The following NPHP3 variants were observed in gnomAD, a reference collection of about 807,000 sequenced individuals.
NPHP3 encodes nephrocystin 3.
Under a neutral mutation model 171.9 loss-of-function variants are expected in NPHP3, and 123 were observed. That is an observed-to-expected ratio of 0.72 (90% CI 0.62 to 0.83). The LOEUF (loss-of-function observed/expected upper bound fraction) is 0.83, where lower values mean the gene tolerates loss of function less well. Ranked by LOEUF, NPHP3 falls within the 40% of genes least tolerant of loss-of-function variation. The pLI is 0.00. For synonymous variants in NPHP3, 558 were observed against 579.2 expected (o/e 0.96, Z 0.52); for missense variants, 1,506 against 1,591.9 (o/e 0.95, Z 0.92).
intron 13 of NPHP3, among the ~76,000 whole-genome samples, chr3:132,697,776 T>A (rs1939493980): frequency 6.6e-6 from 1 of 152,054 alleles, no homozygotes; most frequent in Non-Finnish European, 1.5e-5. Context: ...GTACTGAAAA[T>A]TGCATTTGTG....
At chr3:132,682,849 C>T (rs1376351678) in intron 25 of NPHP3, 31 bp from the exon 26 acceptor site, 1 of 1,350,196 alleles carries the variant, frequency 7.4e-7, no homozygotes, top group African/African-American at 1.4e-5. Flanking sequence ...TGCTCATGCA[C>T]ACTGGGTTTC....
At chr3:132,699,505 C>T in intron 12 of NPHP3, 55 bp from the exon 13 acceptor site, 1 of 1,092,954 alleles carries the variant, frequency 9.1e-7, no homozygotes, top group Non-Finnish European at 1.4e-6. Flanking sequence ...TCAAAACAAT[C>T]CAATAATAGC....
rs772366641 is a variant in NPHP3, at chr3:132,719,091, C to G, written c.573G>C (p.Arg191Ser). The change falls in exon 3 of 27, where the codon AGG becomes AGC. Residue 191 changes from arginine to serine, a missense_variant. Arg to Ser is a moderately radical substitution (Grantham distance 110, BLOSUM62 -1). Around this residue, in one of 3 missense-constraint regions of NPHP3, gnomAD observed 930 missense variants for 924.9 expected, o/e 1.01. Coordinates refer to ENST00000337331, the MANE Select transcript of NPHP3 (RefSeq NM_153240.5). ...NEIQDLLRAK[R>S]ELESKLQRLQ... ...GCCTCTGAAGTTTGCTCTCCAACTC[C>G]CTCTTGGCCCTCAGTAAGTCCTGAA... 2 of 1,613,812 alleles carry G rather than the reference C, an allele frequency of 1.2e-6. No homozygotes were observed. Among genetic ancestry groups the G allele is most frequent in the South Asian group, 2.2e-5 (2 of 91,062 alleles).
At chr3:132,715,659 T>C (rs1452170650) in intron 4 of NPHP3, among the ~76,000 whole-genome samples, 1 of 152,228 alleles carries the variant, frequency 6.6e-6, no homozygotes, top group Non-Finnish European at 1.5e-5. Flanking sequence ...TTAACACATA[T>C]TTGGCTAGTT....
intron 24 of NPHP3, among the ~76,000 whole-genome samples, chr3:132,684,056 G>A (rs971800157): frequency 9.2e-5 from 14 of 152,122 alleles, no homozygotes; most frequent in African/African-American, 3.1e-4. Flanking sequence ...TTTGAGAACA[G>A]CTATAAAAAT....
intron 26 of NPHP3, chr3:132,682,341 A>C: frequency 1.8e-6 from 1 of 565,328 alleles, no homozygotes; most frequent in East Asian, 3.0e-5. Context: ...ATTGCTAAGC[A>C]AAGTTAGGTA....
chr3:132,701,923 G>A (rs889787449), intron 9 of NPHP3, among the ~76,000 whole-genome samples: 3 of 152,174 alleles, frequency 2.0e-5, no homozygotes, highest in Admixed American at 1.3e-4. Flanking sequence ...CTACTCAGGA[G>A]GCTGAGGCAA....
chr3:132,714,598 G>A (rs960991178), intron 5 of NPHP3, among the ~76,000 whole-genome samples: 5 of 152,018 alleles, frequency 3.3e-5, no homozygotes, highest in Non-Finnish European at 5.9e-5. Context: ...ATGTGGTGGT[G>A]TGTACCTGTA....
At chr3:132,713,667 AC>A (rs1401783934) in intron 5 of NPHP3, among the ~76,000 whole-genome samples, 3 of 152,198 alleles carry the variant, frequency 2.0e-5, no homozygotes, top group African/African-American at 4.8e-5. Flanking sequence ...ATAGTAAAAA[AC>A]ATCCACGATG....
intron 13 of NPHP3, among the ~76,000 whole-genome samples, chr3:132,699,033 C>T (rs1266766723): frequency 2.0e-5 from 3 of 152,156 alleles, no homozygotes; most frequent in Non-Finnish European, 4.4e-5. Context: ...GCTGGGATTA[C>T]AGGCATGCGC....
intron 5 of NPHP3, 92 bp downstream of exon 5, chr3:132,714,993 C>T: frequency 9.5e-7 from 1 of 1,051,412 alleles, no homozygotes; most frequent in Non-Finnish European, 1.4e-6. Flanking sequence ...TAGTAGGAAA[C>T]TATTTGGTTG....
rs1363818120 is a variant in NPHP3 at position 132,680,891 on chromosome 3, T to C, written c.*1019A>G. The C allele has an allele frequency of 6.6e-6, 1 of 152,162 alleles. No homozygotes were observed. The highest frequency in any genetic ancestry group is 1.5e-5 in the Non-Finnish European group (1 of 68,026). The allele number at this position is 152,162 out of a possible 1,614,324, so 9.4% of individuals were successfully genotyped here. On this transcript the variant is annotated 3_prime_UTR_variant, in exon 27 of 27. Transcript: ENST00000337331. ...AAGGAAGATAAAGGAGAATGTCATA[T>C]CTATATTTTGGGAAAAGTCAAAGAA... is the stretch of plus-strand genomic sequence containing the variant.
In NPHP3 at chr3:132,713,243, T is replaced by C. The variant is rs772990066; in HGVS notation, c.1001A>G (p.Tyr334Cys). The C allele has an allele frequency of 5.6e-6, 9 of 1,603,954 alleles. No individual in the cohort carries two copies. In the South Asian group the frequency reaches 8.9e-5, roughly 16 times the overall value. ...KLKRMCETMG[Y>C]FFHAVYFPID... ...TGGAAAATAAACAGCATGGAAAAAA[T>C]ATCCCATTGTCTCGCACATTCTCTT... The change falls in exon 6 of 27, where the codon TAT becomes TGT. Residue 334 changes from tyrosine to cysteine, a missense_variant. Coordinates refer to ENST00000337331, the MANE Select transcript of NPHP3 (RefSeq NM_153240.5).
intron 12 of NPHP3, 129 bp from the exon 13 acceptor site, chr3:132,699,579 G>A: frequency 1.4e-6 from 1 of 732,566 alleles, no homozygotes; most frequent in Non-Finnish European, 2.2e-6. Flanking sequence ...TTATTTTGGG[G>A]TGATTTATTT....
At chr3:132,698,038 G>C (rs1939502148) in intron 13 of NPHP3, among the ~76,000 whole-genome samples, 1 of 151,540 alleles carries the variant, frequency 6.6e-6, no homozygotes, top group African/African-American at 2.4e-5. Flanking sequence ...CTGGTGTGCA[G>C]TAGTGCCATC....
chr3:132,703,579 C>CTTTT (rs747062922), intron 9 of NPHP3, among the ~76,000 whole-genome samples: 3 of 130,998 alleles, frequency 2.3e-5, no homozygotes, highest in Non-Finnish European at 1.7e-5. Context: ...TTCTTTCTTT[C>CTTTT]TTTTTTTTTT....
At chr3:132,697,894 G>A (rs948742184) in intron 13 of NPHP3, among the ~76,000 whole-genome samples, 1 of 152,038 alleles carries the variant, frequency 6.6e-6, no homozygotes, top group African/African-American at 2.4e-5. Flanking sequence ...ATTTCTTGGG[G>A]GAGGCAATTA....
At chr3:132,682,937 GAATA>G (rs1939069943) in intron 25 of NPHP3, 119 bp from the exon 26 acceptor site, 1 of 697,108 alleles carries the variant, frequency 1.4e-6, no homozygotes, top group Non-Finnish European at 2.6e-6. Flanking sequence ...TAAAAGATGG[GAATA>G]AACAGATTAA....
intron 4 of NPHP3, 68 bp from the exon 5 acceptor site, chr3:132,715,286 T>G: frequency 7.3e-7 from 1 of 1,371,454 alleles, no homozygotes; most frequent in Non-Finnish European, 1.0e-6. Flanking sequence ...TAAAAAAGTT[T>G]TAAAAACATA....
Sources: gnomAD v4.1 joint callset for allele counts (sites outside exome capture counted in the v4.1 genomes callset) on GRCh38, gnomAD v4.1.1 for gene constraint, gnomAD v4.1.1 regional missense constraint, MANE v1.5 for transcripts, NCBI Gene and HGNC (gene_info 2026-07-23, HGNC 2026-07-21) for gene names.